Variants in PRDM16 observed in about 807,000 individuals in gnomAD.
PRDM16 encodes the protein histone-lysine N-methyltransferase PRDM16.
PRDM16 carries 23 observed loss-of-function variants against 110.6 expected under a neutral mutation model. The ratio of observed to expected loss-of-function variants is 0.21; its 90% CI spans 0.15 to 0.29. The LOEUF (loss-of-function observed/expected upper bound fraction) is 0.29, where lower values mean the gene tolerates loss of function less well. Among genes scored for constraint, PRDM16 ranks in the 10% least tolerant of loss-of-function variants. The probability of loss-of-function intolerance (pLI) is 1.00; values close to 1 mark genes in which losing one functional copy is unlikely to be tolerated. For synonymous variants in PRDM16, 799 were observed against 781.8 expected, an observed-to-expected ratio of 1.02 and a Z score of -0.37; for missense variants, 1,615 against 1,794.3, an observed-to-expected ratio of 0.90 and a Z score of 1.81.
At chr1:3,341,098 G>A (rs1229492713) in intron 3 of PRDM16, among the ~76,000 whole-genome samples, 1 of 152,012 alleles carries the variant, frequency 6.6e-6, no homozygotes, top group African/African-American at 2.4e-5. Flanking sequence ...CTGAGCCCTC[G>A]TTTCTCCCCC....
Position 3,139,588 on chromosome 1 carries a change from C to T in PRDM16, c.38-46537C>T, listed in dbSNP as rs531372137. Among the ~76,000 whole-genome samples the T allele has an allele frequency of 4.6e-5, 7 of 152,370 alleles. No individual in the cohort carries two copies. In the South Asian group the frequency reaches 1.0e-3, roughly 23 times the overall value. On this transcript the variant is annotated intron_variant, in intron 1 of 16. Transcript: ENST00000270722. Reference sequence around the variant, plus strand: ...CTCTCTGTCACCATGAATGCCATCGCGAATAATGCCAAGCATTGTTACAAT... The same window carrying T: ...CTCTCTGTCACCATGAATGCCATCGTGAATAATGCCAAGCATTGTTACAAT...
At chr1:3,154,070 C>T (rs207195) in intron 1 of PRDM16, among the ~76,000 whole-genome samples, 1 of 151,970 alleles carries the variant, frequency 6.6e-6, no homozygotes, top group Non-Finnish European at 1.5e-5. Context: ...TCCCAATCTG[C>T]GGCCCTTTGT....
rs141309774 is a variant in PRDM16, at chr1:3,257,759, A to G, written c.438+13622A>G. 3.3e-3 allele frequency among the ~76,000 whole-genome samples: 498 copies of G among 152,280 alleles called. 3 individuals are homozygous for G. The highest frequency in any genetic ancestry group is 0.011 in the African/African-American group (467 of 41,566). Reference sequence around the variant, plus strand: ...GCGTTTGAAGACACTTCTCCATTTAATAGTGCTGCCAGGATACAACCAACC... The same window carrying G: ...GCGTTTGAAGACACTTCTCCATTTAGTAGTGCTGCCAGGATACAACCAACC... On this transcript the variant is annotated intron_variant, in intron 3 of 16. Coordinates refer to ENST00000270722, the MANE Select transcript of PRDM16 (RefSeq NM_022114.4).
chr1:3,165,108 T>G (rs923038076), intron 1 of PRDM16, among the ~76,000 whole-genome samples: 3 of 152,220 alleles, frequency 2.0e-5, no homozygotes, highest in Non-Finnish European at 4.4e-5. Context: ...GCCTGGCCCT[T>G]CATGCAGGGA....
chr1:3,084,826 CG>C (rs1557434399), intron 1 of PRDM16, among the ~76,000 whole-genome samples: 1 of 152,134 alleles, frequency 6.6e-6, no homozygotes, highest in African/African-American at 2.4e-5. Flanking sequence ...TGCAGGCTGT[CG>C]GGGGGCAGGC....
At chr1:3,119,310 C>A (rs1477127632) in intron 1 of PRDM16, among the ~76,000 whole-genome samples, 1 of 152,226 alleles carries the variant, frequency 6.6e-6, no homozygotes, top group East Asian at 1.9e-4. Flanking sequence ...TGCGGCCAGG[C>A]GGGTGACCCG....
chr1:3,429,821 C>T (rs988166783), intron 14 of PRDM16, among the ~76,000 whole-genome samples: 25 of 152,214 alleles, frequency 1.6e-4, no homozygotes, highest in African/African-American at 5.3e-4. Flanking sequence ...AAATTGTGGC[C>T]TCCCCAAGCC....
chr1:3,208,216 C>T lies in PRDM16; in HGVS notation c.387+21742C>T, dbSNP rs1481059922. ...TCACGGGGCTCCAGATGGAGCCTCC[C>T]TGACAAGGGGACCTCTTCTTCCCGG... On this transcript the variant is annotated intron_variant, in intron 2 of 16. Transcript: ENST00000270722. This position sits in a 1 kb window ranked among gnomAD's most constrained non-coding sequence, Gnocchi z 6.1. The T allele has an allele frequency of 2.0e-5, 3 of 152,210 alleles. No individual in the cohort carries two copies. The highest frequency in any genetic ancestry group is 2.0e-4 in the Admixed American group (3 of 15,268). The allele number at this position is 152,210 out of a possible 1,614,324, so 9.4% of individuals were successfully genotyped here.
intron 2 of PRDM16, among the ~76,000 whole-genome samples, chr1:3,210,411 A>G (rs1206059896): frequency 6.6e-6 from 1 of 152,268 alleles, no homozygotes; most frequent in East Asian, 1.9e-4. Flanking sequence ...ACAGGCTCAG[A>G]AGCCAGGCTC....
intron 3 of PRDM16, chr1:3,308,095 T>C (rs1557595994): frequency 3.9e-5 from 6 of 152,356 alleles, no homozygotes; most frequent in Admixed American, 3.3e-4. Flanking sequence ...TGCTCAGCTT[T>C]GGATCATGGT....
Position 3,243,354 on chromosome 1 carries a change from A to C in PRDM16, c.388-733A>C, listed in dbSNP as rs1424150200. Reference sequence around the variant, plus strand: ...TCTGGATGGGAGTGAAGAGCCAGTTAAAACACTCCCACCTCTGATTTGCCA... The same window carrying C: ...TCTGGATGGGAGTGAAGAGCCAGTTCAAACACTCCCACCTCTGATTTGCCA... On this transcript the variant is annotated intron_variant, in intron 2 of 16. Coordinates refer to ENST00000270722, the MANE Select transcript of PRDM16 (RefSeq NM_022114.4). This position sits in a 1 kb window ranked among gnomAD's most constrained non-coding sequence, Gnocchi z 5.5. Among the ~76,000 whole-genome samples, 1 of 145,008 alleles carries C rather than the reference A, an allele frequency of 6.9e-6. No individual in the cohort carries two copies. Among genetic ancestry groups the C allele is most frequent in the East Asian group, 2.1e-4 (1 of 4,810 alleles).
In PRDM16 at chr1:3,244,504, T is replaced by C. The variant is rs1344851187; in HGVS notation, c.438+367T>C. 6.6e-6 allele frequency among the ~76,000 whole-genome samples: 1 copy of C among 152,066 alleles called. No homozygotes were observed. The highest frequency in any genetic ancestry group is 1.5e-5 in the Non-Finnish European group (1 of 68,024). ...TAACTGTCTTTGCTGGATACTCTCA[T>C]GAAAAGAATATGGGGAAGAATTGGC... On this transcript the variant is annotated intron_variant, in intron 3 of 16. Transcript: ENST00000270722. The surrounding 1 kb of genome is among the most constrained non-coding windows in gnomAD (Gnocchi z 4.1).
At chr1:3,373,701 A>G (rs1243574225) in intron 3 of PRDM16, among the ~76,000 whole-genome samples, 1 of 152,160 alleles carries the variant, frequency 6.6e-6, no homozygotes, top group East Asian at 1.9e-4. Context: ...CTGGGGCATC[A>G]GTTCTAGCAG....
At chr1:3,258,617 C>G (rs372130741) in intron 3 of PRDM16, among the ~76,000 whole-genome samples, 3 of 152,216 alleles carry the variant, frequency 2.0e-5, no homozygotes, top group African/African-American at 7.2e-5. Context: ...GAGCAACGGC[C>G]AAGACTCAGA....
intron 1 of PRDM16, among the ~76,000 whole-genome samples, chr1:3,079,529 C>CGCATGGAGCGGCCTG (rs1471980619): frequency 1.6e-4 from 25 of 152,210 alleles, no homozygotes; most frequent in Non-Finnish European, 3.4e-4. Flanking sequence ...AGCAGCAAGC[C>CGCATGGAGCGGCCTG]GCATGGAGCG....
chr1:3,183,921 C>T (rs527240539), intron 1 of PRDM16, among the ~76,000 whole-genome samples: 4 of 152,290 alleles, frequency 2.6e-5, no homozygotes, highest in African/African-American at 7.2e-5. Context: ...GAGGGGGCTT[C>T]GGCCTCCAAC....
rs1398217357 is a variant in PRDM16 at position 3,437,063 on chromosome 1, T to G, written c.*3252T>G. ...CTCCTCTGTGGGCCTGGCAGACCCT[T>G]CATGAGTGGGACCCAAGATATCACT... On this transcript the variant is annotated 3_prime_UTR_variant, in exon 17 of 17. Coordinates refer to ENST00000270722, the MANE Select transcript of PRDM16 (RefSeq NM_022114.4). 2.6e-5 allele frequency: 6 copies of G among 232,712 alleles called. No homozygotes were observed. Among genetic ancestry groups the G allele is most frequent in the Non-Finnish European group, 5.1e-5 (6 of 117,838 alleles). 14.4% of individuals were successfully genotyped at this position (232,712 alleles called of 1,614,324 possible).
intron 3 of PRDM16, among the ~76,000 whole-genome samples, chr1:3,373,966 T>C (rs552813329): frequency 1.3e-5 from 2 of 152,306 alleles, no homozygotes; most frequent in East Asian, 3.9e-4. Context: ...CTGCTTCCAT[T>C]TGGAGCTCTG....
At chr1:3,155,521 G>A (rs1643846418) in intron 1 of PRDM16, among the ~76,000 whole-genome samples, 1 of 152,216 alleles carries the variant, frequency 6.6e-6, no homozygotes, top group Non-Finnish European at 1.5e-5. Flanking sequence ...TTGCTCCTGC[G>A]ACCAGCACCT....
Sources: gnomAD v4.1 joint callset for allele counts (sites outside exome capture counted in the v4.1 genomes callset) on GRCh38, gnomAD v4.1.1 for gene constraint, Gnocchi (gnomAD v3.1) non-coding constraint, MANE v1.5 for transcripts, NCBI Gene and HGNC (gene_info 2026-07-23, HGNC 2026-07-21) for gene names.